Variants in PLCG2 observed in about 807,000 individuals in gnomAD.
The protein encoded by PLCG2 is 1-phosphatidylinositol 4,5-bisphosphate phosphodiesterase gamma-2.
Under a neutral mutation model 175.6 loss-of-function variants are expected in PLCG2, and 69 were observed. The observed-to-expected ratio is 0.39, with a 90% CI of 0.32 to 0.48. The LOEUF is 0.48. PLCG2 is among the 20% of genes least tolerant of loss of function. The probability of loss-of-function intolerance (pLI) is 0.91; values close to 1 mark genes in which losing one functional copy is unlikely to be tolerated. For missense variants in PLCG2, 1,798 were observed against 1,650.9 expected, an observed-to-expected ratio of 1.09 and a Z score of -1.54; for synonymous variants, 827 against 624.0, an observed-to-expected ratio of 1.33 and a Z score of -4.85.
chr16:81,886,141 G>T (rs1228400780), intron 9 of PLCG2, among the ~76,000 whole-genome samples: 8 of 152,166 alleles, frequency 5.3e-5, no homozygotes, highest in African/African-American at 1.2e-4. Flanking sequence ...TCGCATCCTA[G>T]AATTCACCAC....
intron 2 of PLCG2, among the ~76,000 whole-genome samples, chr16:81,810,659 T>G (rs1904310139): frequency 6.6e-6 from 1 of 151,104 alleles, no homozygotes; most frequent in African/African-American, 2.4e-5. Context: ...TATTTTTTGC[T>G]GGTGATGTTG....
At chr16:81,796,905 C>T (rs969213171) in intron 2 of PLCG2, among the ~76,000 whole-genome samples, 2 of 152,220 alleles carry the variant, frequency 1.3e-5, no homozygotes, top group Admixed American at 6.5e-5. Context: ...GCAGGCCTAA[C>T]ACACAAATAC....
At position 81,960,861 on chromosome 16, in the gene PLCG2, G is replaced by A; in HGVS notation, c.*2863G>A. 4.3e-6 allele frequency: 1 copy of A among 229,962 alleles called. No homozygotes were observed. The highest frequency in any genetic ancestry group is 8.6e-6 in the Non-Finnish European group (1 of 116,016). The allele number at this position is 229,962 out of a possible 1,614,324, so 14.2% of individuals were successfully genotyped here. A position where few individuals can be genotyped will look rare whatever the true frequency, so the allele number is the denominator to read the frequency against. Reference sequence around the variant, plus strand: ...ATACACAGACTCCAGTACTCTCAGGGGAGCAGTGTTCAGAGCCTCATCTTC... The same window carrying A: ...ATACACAGACTCCAGTACTCTCAGGAGAGCAGTGTTCAGAGCCTCATCTTC... On this transcript the variant is annotated 3_prime_UTR_variant, in exon 33 of 33. Transcript: ENST00000564138.
chr16:81,772,454 C>A (rs577998646), intron 2 of PLCG2, among the ~76,000 whole-genome samples: 1 of 151,974 alleles, frequency 6.6e-6, no homozygotes, highest in African/African-American at 2.4e-5. Context: ...TAATTTGTTA[C>A]GGCAGCCTTT....
chr16:81,834,802 C>T (rs1015788244), intron 2 of PLCG2, among the ~76,000 whole-genome samples: 1 of 152,184 alleles, frequency 6.6e-6, no homozygotes, highest in Admixed American at 6.5e-5. Context: ...CTGCCAGTCC[C>T]CAGAGCTTCT....
intron 2 of PLCG2, among the ~76,000 whole-genome samples, chr16:81,832,993 T>TCA (rs1905328844): frequency 6.6e-6 from 1 of 152,138 alleles, no homozygotes; most frequent in African/African-American, 2.4e-5. Context: ...GGGAAACAAG[T>TCA]CACGCTTGTG....
At chr16:81,794,581 A>C (rs77096052) in intron 2 of PLCG2, among the ~76,000 whole-genome samples, 2,473 of 152,310 alleles carry the variant, frequency 0.016, 68 homozygotes, top group African/African-American at 0.055. Context: ...TGGGTCTCTC[A>C]TGTCACCTCT....
chr16:81,799,877 A>G (rs954123215), intron 2 of PLCG2, among the ~76,000 whole-genome samples: 8 of 152,030 alleles, frequency 5.3e-5, no homozygotes, highest in African/African-American at 1.2e-4. Context: ...ACAGGTGTGA[A>G]CCACTGAGCC....
intron 30 of PLCG2, among the ~76,000 whole-genome samples, chr16:81,943,465 C>T (rs544647973): frequency 6.1e-4 from 93 of 152,282 alleles, no homozygotes; most frequent in African/African-American, 2.2e-3. Context: ...GGGAAGTCCA[C>T]CCCCATTATC....
At chr16:81,926,725 C>G (rs1316160224) in intron 22 of PLCG2, among the ~76,000 whole-genome samples, 13 of 152,130 alleles carry the variant, frequency 8.5e-5, no homozygotes, top group African/African-American at 3.1e-4. Context: ...CTGTCTGCCT[C>G]CAGAACCACC....
At chr16:81,804,021 T>G (rs1911880678) in intron 2 of PLCG2, among the ~76,000 whole-genome samples, 1 of 152,346 alleles carries the variant, frequency 6.6e-6, no homozygotes, top group East Asian at 1.9e-4. Context: ...TGGACATTCA[T>G]GTACAAGTTT....
intron 31 of PLCG2, among the ~76,000 whole-genome samples, chr16:81,952,716 A>T (rs1464871330): frequency 6.6e-6 from 1 of 152,222 alleles, no homozygotes; most frequent in African/African-American, 2.4e-5. Flanking sequence ...CTTCCTTACA[A>T]ATGAATTCTG....
At chr16:81,790,012 C>G (rs1280400362) in intron 2 of PLCG2, among the ~76,000 whole-genome samples, 1 of 152,228 alleles carries the variant, frequency 6.6e-6, no homozygotes, top group African/African-American at 2.4e-5. Flanking sequence ...CTTGGATGAG[C>G]TTTGCTGTGT....
At chr16:81,804,376 C>T (rs74348074) in intron 2 of PLCG2, among the ~76,000 whole-genome samples, 2,609 of 152,220 alleles carry the variant, frequency 0.017, 74 homozygotes, top group African/African-American at 0.059. Flanking sequence ...GTCCTATTTT[C>T]AACTTTTCTG....
intron 1 of PLCG2, among the ~76,000 whole-genome samples, chr16:81,745,015 A>G (rs1909676347): frequency 6.6e-6 from 1 of 152,192 alleles, no homozygotes; most frequent in Non-Finnish European, 1.5e-5. Flanking sequence ...TTTAAAAATA[A>G]TGTTATGCAG....
At chr16:81,857,894 C>A (rs1033252475) in intron 3 of PLCG2, 7 of 199,998 alleles carry the variant, frequency 3.5e-5, no homozygotes, top group Middle Eastern at 4.2e-3. Context: ...CTTGTGGGAT[C>A]AATATAGGAA....
rs1567508497 is a variant in PLCG2 at position 81,870,889 on chromosome 16, A to T, written c.602A>T (p.Gln201Leu). The change falls in exon 7 of 33, where the codon CAG becomes CTG. Residue 201 changes from glutamine (Q) to leucine (L), a missense_variant. Coordinates refer to ENST00000564138, the MANE Select transcript of PLCG2 (RefSeq NM_002661.5). Reference sequence around the variant, plus strand: ...CACAAAGATGAGCTCAGCTTTGAACAGTTCCATCTCTTCTATAAAAAACTT... The same window carrying T: ...CACAAAGATGAGCTCAGCTTTGAACTGTTCCATCTCTTCTATAAAAAACTT... ...GAHKDELSFE[Q>L]FHLFYKKLMF... 1 of 1,604,534 alleles carries T rather than the reference A, an allele frequency of 6.2e-7. No individual in the cohort carries two copies. Among genetic ancestry groups the T allele is most frequent in the Non-Finnish European group, 8.5e-7 (1 of 1,175,334 alleles).
chr16:81,748,347 G>A (rs778049696), intron 1 of PLCG2, among the ~76,000 whole-genome samples: 3 of 151,952 alleles, frequency 2.0e-5, no homozygotes, highest in Non-Finnish European at 4.4e-5. Context: ...TCGAGATGGT[G>A]CCACTGTACT....
chr16:81,834,356 G>A (rs1246706201), intron 2 of PLCG2, among the ~76,000 whole-genome samples: 3 of 152,122 alleles, frequency 2.0e-5, no homozygotes, highest in African/African-American at 4.8e-5. Context: ...TTGTGAGGGC[G>A]GTCTGTGTGA....
Sources: gnomAD v4.1 joint callset for allele counts (sites outside exome capture counted in the v4.1 genomes callset) on GRCh38, gnomAD v4.1.1 for gene constraint, MANE v1.5 for transcripts, NCBI Gene and HGNC (gene_info 2026-07-23, HGNC 2026-07-21) for gene names.